The following ASTN2 variants were observed in gnomAD, a reference collection of about 807,000 sequenced individuals.
ASTN2 encodes the protein astrotactin-2.
Under a neutral mutation model 139.8 loss-of-function variants are expected in ASTN2, and 54 were observed. The ratio of observed to expected loss-of-function variants is 0.39; its 90% CI spans 0.31 to 0.48. The LOEUF (loss-of-function observed/expected upper bound fraction) is 0.48, where lower values mean the gene tolerates loss of function less well. Among genes scored for constraint, ASTN2 ranks in the 20% least tolerant of loss-of-function variants. The pLI, the probability that ASTN2 is intolerant of heterozygous loss-of-function variation, is 0.95. For synonymous variants in ASTN2, 756 were observed against 719.5 expected, an observed-to-expected ratio of 1.05 and a Z score of -0.81; for missense variants, 1,565 against 1,725.1, an observed-to-expected ratio of 0.91 and a Z score of 1.64.
At chr9:117,227,272 T>G (rs1032573477) in intron 2 of ASTN2, among the ~76,000 whole-genome samples, 8 of 152,242 alleles carry the variant, frequency 5.3e-5, no homozygotes, top group Non-Finnish European at 1.2e-4. Flanking sequence ...GCTTTAACTT[T>G]ATGTCACTTA....
intron 13 of ASTN2, among the ~76,000 whole-genome samples, 167 bp from the exon 14 acceptor site, chr9:116,733,690 T>TA (rs1828847567): frequency 6.6e-6 from 1 of 152,194 alleles, no homozygotes; most frequent in Non-Finnish European, 1.5e-5. Flanking sequence ...TGGTGCTAAC[T>TA]ACAGGTTCCT....
intron 3 of ASTN2, among the ~76,000 whole-genome samples, chr9:117,177,890 C>A (rs942066009): frequency 1.4e-4 from 21 of 152,148 alleles, no homozygotes; most frequent in African/African-American, 4.8e-4. Context: ...CTTGTCCATC[C>A]TGTGCCTCAT....
intron 10 of ASTN2, among the ~76,000 whole-genome samples, chr9:116,927,469 T>C (rs1307251766): frequency 6.6e-6 from 1 of 152,258 alleles, no homozygotes; most frequent in Non-Finnish European, 1.5e-5. Context: ...TTGAGATTCC[T>C]TTTTTAACCA....
chr9:116,733,824 G>A lies in ASTN2; in HGVS notation c.2397-301C>T, dbSNP rs183560228. On this transcript the variant is annotated intron_variant, in intron 13 of 22. Transcript: ENST00000313400. Reference sequence around the variant, plus strand: ...CTATAAAGTGAGACTCAGATCTAAGGGCTGTTGTAAGCACTTAATGGGAAA... The same window carrying A: ...CTATAAAGTGAGACTCAGATCTAAGAGCTGTTGTAAGCACTTAATGGGAAA... Among the ~76,000 whole-genome samples, 1,209 of 152,178 alleles carry A rather than the reference G, an allele frequency of 7.9e-3. 10 individuals are homozygous for A. The highest frequency in any genetic ancestry group is 0.02 in the Middle Eastern group (6 of 294).
intron 19 of ASTN2, among the ~76,000 whole-genome samples, chr9:116,550,687 A>G (rs1348585912): frequency 6.6e-6 from 1 of 152,216 alleles, no homozygotes. Flanking sequence ...AGCAACTTTA[A>G]CACTCAAAAA....
rs1831267647 is a variant in ASTN2 at position 117,414,461 on chromosome 9, C to T, written c.442+36G>A. On this transcript the variant is annotated intron_variant, in intron 1 of 22. Transcript: ENST00000313400. This position sits in a 1 kb window ranked among gnomAD's most constrained non-coding sequence, Gnocchi z 4.2. ...CGGCATGACGCAGGGGCTCGGGGTT[C>T]CTTGGGATCTAGCGCGTGCCGGCGC... is the stretch of plus-strand genomic sequence containing the variant. 1 of 1,602,342 alleles carries T rather than the reference C, an allele frequency of 6.2e-7. No individual in the cohort carries two copies. Among genetic ancestry groups the T allele is most frequent in the Non-Finnish European group, 8.5e-7 (1 of 1,174,856 alleles).
intron 6 of ASTN2, among the ~76,000 whole-genome samples, chr9:117,025,823 G>A (rs1195719604): frequency 3.4e-5 from 5 of 147,118 alleles, no homozygotes; most frequent in South Asian, 2.2e-4. Flanking sequence ...ACAGAGTCTC[G>A]CTCTGTTGCC....
At chr9:117,035,023 ACCCATTACTCAGC>A (rs1206680313) in intron 6 of ASTN2, among the ~76,000 whole-genome samples, 1 of 152,112 alleles carries the variant, frequency 6.6e-6, no homozygotes, top group Non-Finnish European at 1.5e-5. Flanking sequence ...GGAAGACAGG[ACCCATTACTCAGC>A]CCCATCCAAT....
intron 1 of ASTN2, among the ~76,000 whole-genome samples, chr9:117,377,246 G>A (rs925412555): frequency 6.6e-6 from 1 of 151,966 alleles, no homozygotes; most frequent in African/African-American, 2.4e-5. Context: ...GACTGTTTCA[G>A]GAAGCCCAGG....
At chr9:117,071,760 A>T (rs540230781) in intron 5 of ASTN2, among the ~76,000 whole-genome samples, 1 of 151,270 alleles carries the variant, frequency 6.6e-6, no homozygotes, top group East Asian at 2.0e-4. Context: ...CTCGGGTGGG[A>T]GTGACCCGAT....
At chr9:117,121,454 G>A (rs1345580985) in intron 4 of ASTN2, among the ~76,000 whole-genome samples, 1 of 152,216 alleles carries the variant, frequency 6.6e-6, no homozygotes, top group Non-Finnish European at 1.5e-5. Context: ...CAGGAAGGAA[G>A]CAGAATGCTT....
intron 5 of ASTN2, among the ~76,000 whole-genome samples, chr9:117,090,151 A>G (rs1379592439): frequency 1.3e-5 from 2 of 152,242 alleles, no homozygotes; most frequent in Non-Finnish European, 2.9e-5. Context: ...ATTTATGTCC[A>G]TTCATCTATG....
At chr9:116,802,511 G>T (rs1191191318) in intron 13 of ASTN2, among the ~76,000 whole-genome samples, 2 of 152,156 alleles carry the variant, frequency 1.3e-5, no homozygotes, top group Admixed American at 6.5e-5. Context: ...TCCTTTCCCT[G>T]CATGTAAAAT....
At chr9:116,927,519 A>G (rs1834787836) in intron 10 of ASTN2, among the ~76,000 whole-genome samples, 1 of 152,222 alleles carries the variant, frequency 6.6e-6, no homozygotes, top group African/African-American at 2.4e-5. Flanking sequence ...ATGCATAAGT[A>G]TTCACACAAT....
rs557765638 is a variant in ASTN2 at position 117,221,733 on chromosome 9, T to C, written c.631-6991A>G. On this transcript the variant is annotated intron_variant, in intron 2 of 22. Transcript: ENST00000313400. ...TTGGCCACTTGCCTAATGACAGATC[T>C]AGTGGGGAAGGGGGCCCGGGATCCA... 3.9e-5 allele frequency among the ~76,000 whole-genome samples: 6 copies of C among 152,154 alleles called. No homozygotes were observed. The South Asian group carries it at 1.0e-3, about 26-fold the overall frequency.
intron 1 of ASTN2, among the ~76,000 whole-genome samples, chr9:117,320,006 T>C (rs1161309445): frequency 6.6e-6 from 1 of 152,206 alleles, no homozygotes; most frequent in African/African-American, 2.4e-5. Flanking sequence ...ACTTTATGGT[T>C]CTTTTGCCTC....
chr9:116,482,949 GCAGCCT>G (rs1291306055), intron 20 of ASTN2, among the ~76,000 whole-genome samples: 2 of 152,192 alleles, frequency 1.3e-5, no homozygotes, highest in Admixed American at 1.3e-4. Flanking sequence ...GGACCCTTTG[GCAGCCT>G]TCCACAATTA....
chr9:117,184,505 G>A, intron 3 of ASTN2, among the ~76,000 whole-genome samples: 1 of 152,176 alleles, frequency 6.6e-6, no homozygotes, highest in Non-Finnish European at 1.5e-5. Context: ...CAGTCCTGGA[G>A]CCAGGAAGCT....
At chr9:117,118,930 G>A (rs988660446) in intron 4 of ASTN2, among the ~76,000 whole-genome samples, 1 of 152,046 alleles carries the variant, frequency 6.6e-6, no homozygotes, top group African/African-American at 2.4e-5. Context: ...TTTTTACCCT[G>A]TTTTATTTTT....
Sources: gnomAD v4.1 joint callset for allele counts (sites outside exome capture counted in the v4.1 genomes callset) on GRCh38, gnomAD v4.1.1 for gene constraint, Gnocchi (gnomAD v3.1) non-coding constraint, MANE v1.5 for transcripts, NCBI Gene and HGNC (gene_info 2026-07-23, HGNC 2026-07-21) for gene names.